The following LHFPL3 variants were observed in gnomAD, a reference collection of about 807,000 sequenced individuals.
The protein encoded by LHFPL3 is LHFPL tetraspan subfamily member 3 protein.
In LHFPL3, 5 loss-of-function variants were observed where a neutral mutation model predicts 19.3. That is an observed-to-expected ratio of 0.26 (90% CI 0.14 to 0.54). LHFPL3 has a LOEUF of 0.54. Ranked by LOEUF, LHFPL3 falls within the 20% of genes least tolerant of loss-of-function variation. The probability of loss-of-function intolerance (pLI) is 0.94; values close to 1 mark genes in which losing one functional copy is unlikely to be tolerated. For synonymous variants in LHFPL3, 133 were observed against 126.2 expected, an observed-to-expected ratio of 1.05 and a Z score of -0.36; for missense variants, 249 against 307.4, an observed-to-expected ratio of 0.81 and a Z score of 1.42.
At chr7:104,897,197 C>T (rs1250139032) in intron 2 of LHFPL3, among the ~76,000 whole-genome samples, 2 of 152,130 alleles carry the variant, frequency 1.3e-5, no homozygotes, top group African/African-American at 2.4e-5. Context: ...ATGACTGCCA[C>T]GTCATTTGTG....
At chr7:104,639,865 G>A (rs1452872403) in intron 1 of LHFPL3, among the ~76,000 whole-genome samples, 1 of 152,092 alleles carries the variant, frequency 6.6e-6, no homozygotes, top group South Asian at 2.1e-4. Flanking sequence ...AAACATACTT[G>A]AATTTCCCAT....
chr7:104,408,385 A>T (rs1584299160), intron 1 of LHFPL3, among the ~76,000 whole-genome samples: 1 of 151,854 alleles, frequency 6.6e-6, no homozygotes, highest in East Asian at 1.9e-4. Flanking sequence ...ATTGGATCCA[A>T]CTTTCACATA....
At chr7:104,356,937 G>A (rs929829375) in intron 1 of LHFPL3, among the ~76,000 whole-genome samples, 4 of 152,204 alleles carry the variant, frequency 2.6e-5, no homozygotes, top group Non-Finnish European at 5.9e-5. Context: ...AGCCAAAAAG[G>A]TTGGAGACCT....
At chr7:104,440,901 T>A (rs1051739514) in intron 1 of LHFPL3, among the ~76,000 whole-genome samples, 1 of 152,172 alleles carries the variant, frequency 6.6e-6, no homozygotes, top group African/African-American at 2.4e-5. Flanking sequence ...AGACCGTGCA[T>A]ATTTAATGCA....
At chr7:104,889,083 G>T (rs2116701764) in intron 2 of LHFPL3, among the ~76,000 whole-genome samples, 1 of 152,316 alleles carries the variant, frequency 6.6e-6, no homozygotes, top group East Asian at 1.9e-4. Context: ...TCAAAATTGG[G>T]AGAGAAAGGA....
At chr7:104,560,944 G>C (rs1463786956) in intron 1 of LHFPL3, among the ~76,000 whole-genome samples, 2 of 149,936 alleles carry the variant, frequency 1.3e-5, no homozygotes, top group Non-Finnish European at 2.9e-5. Flanking sequence ...TATGTACCCA[G>C]TAGTCATTCA....
At chr7:104,489,493 C>G (rs1020025324) in intron 1 of LHFPL3, among the ~76,000 whole-genome samples, 1 of 151,284 alleles carries the variant, frequency 6.6e-6, no homozygotes. Flanking sequence ...CTCCTACCCT[C>G]TAATACCCTC....
At chr7:104,529,745 A>G (rs1794260656) in intron 1 of LHFPL3, among the ~76,000 whole-genome samples, 1 of 152,142 alleles carries the variant, frequency 6.6e-6, no homozygotes, top group Non-Finnish European at 1.5e-5. Flanking sequence ...TAGCATGGTG[A>G]GTCAGAACAG....
chr7:104,467,757 A>G (rs1462190927), intron 1 of LHFPL3, among the ~76,000 whole-genome samples: 1 of 152,224 alleles, frequency 6.6e-6, no homozygotes, highest in Non-Finnish European at 1.5e-5. Context: ...GATTGATAGT[A>G]ATTGAGGATT....
chr7:104,859,153 G>T lies in LHFPL3; in HGVS notation c.683-47034G>T, dbSNP rs181796541. On this transcript the variant is annotated intron_variant, in intron 2 of 2. Transcript: ENST00000424859. The stretch of plus-strand genomic sequence containing the variant: ...GTGTTGGCAGGTGCCTGTAATCCCA[G>T]CTACTCAGGAGGCTGAGGCAGGAGA... Among the ~76,000 whole-genome samples the T allele has an allele frequency of 2.0e-5, 3 of 151,786 alleles. No homozygotes were observed. The East Asian group carries it at 5.8e-4, about 30-fold the overall frequency.
intron 1 of LHFPL3, among the ~76,000 whole-genome samples, chr7:104,726,185 C>A (rs1793588405): frequency 6.6e-6 from 1 of 151,888 alleles, no homozygotes; most frequent in Non-Finnish European, 1.5e-5. Context: ...GTGATATTGA[C>A]CTCCATGAAC....
intron 2 of LHFPL3, among the ~76,000 whole-genome samples, chr7:104,846,090 T>C (rs928789055): frequency 5.9e-5 from 9 of 152,262 alleles, no homozygotes; most frequent in African/African-American, 2.2e-4. Context: ...ATATGGACTC[T>C]AGTGGCCCTT....
intron 2 of LHFPL3, among the ~76,000 whole-genome samples, chr7:104,881,039 A>G (rs1310475748): frequency 6.6e-6 from 1 of 151,962 alleles, no homozygotes. Context: ...GCGTGCTAGC[A>G]GGCACCTGTA....
chr7:104,888,552 T>C (rs1303920021), intron 2 of LHFPL3, among the ~76,000 whole-genome samples: 2 of 152,138 alleles, frequency 1.3e-5, no homozygotes, highest in Admixed American at 6.5e-5. Flanking sequence ...AATACAGATA[T>C]ACACACATTC....
intron 2 of LHFPL3, among the ~76,000 whole-genome samples, chr7:104,824,610 TTA>T (rs1426968127): frequency 1.3e-5 from 1 of 76,694 alleles, no homozygotes; most frequent in Non-Finnish European, 2.2e-5. Flanking sequence ...TTATATATAA[TTA>T]TATATATTAT....
chr7:104,701,656 C>T (rs376727935), intron 1 of LHFPL3, among the ~76,000 whole-genome samples: 11 of 152,026 alleles, frequency 7.2e-5, no homozygotes, highest in African/African-American at 1.9e-4. Flanking sequence ...CATGTATAAG[C>T]GGACCTGCAG....
intron 1 of LHFPL3, among the ~76,000 whole-genome samples, chr7:104,432,072 C>G (rs1162348323): frequency 6.6e-6 from 1 of 152,208 alleles, no homozygotes; most frequent in Non-Finnish European, 1.5e-5. Context: ...CAAGGCAATG[C>G]AGGTGGAGAC....
intron 1 of LHFPL3, among the ~76,000 whole-genome samples, chr7:104,558,226 C>A (rs201036163): frequency 2.6e-5 from 4 of 151,544 alleles, no homozygotes; most frequent in Admixed American, 2.6e-4. Context: ...ATGGTATTTC[C>A]AGTTCTAGAT....
intron 1 of LHFPL3, among the ~76,000 whole-genome samples, chr7:104,539,670 C>G (rs1057340117): frequency 6.6e-6 from 1 of 152,102 alleles, no homozygotes; most frequent in Non-Finnish European, 1.5e-5. Context: ...GAAATCCTCA[C>G]CAATGTTTTC....
Sources: allele counts gnomAD v4.1 joint callset (sites outside exome capture counted in the v4.1 genomes callset), GRCh38; gene constraint gnomAD v4.1.1; transcripts MANE v1.5; gene names NCBI Gene and HGNC (gene_info 2026-07-23, HGNC 2026-07-21).